The following SLCO1A2 variants were observed in gnomAD, a reference collection of about 807,000 sequenced individuals.
SLCO1A2 encodes OATP-1.
Under a neutral mutation model 69.0 loss-of-function variants are expected in SLCO1A2, and 67 were observed. The ratio of observed to expected loss-of-function variants is 0.97; its 90% confidence interval spans 0.80 to 1.19. SLCO1A2 has a LOEUF of 1.19. SLCO1A2 is among the 50% of genes most tolerant of loss of function. The probability of loss-of-function intolerance (pLI) is 0.00; values close to 1 mark genes in which losing one functional copy is unlikely to be tolerated. For missense variants in SLCO1A2, 787 were observed against 793.7 expected (o/e 0.99, Z 0.10); for synonymous variants, 260 against 265.9 (o/e 0.98, Z 0.22).
intron 12 of SLCO1A2, among the ~76,000 whole-genome samples, chr12:21,279,620 G>A (rs79983721): frequency 6.6e-6 from 1 of 152,162 alleles, no homozygotes; most frequent in African/African-American, 2.4e-5. Flanking sequence ...CAAACATAAA[G>A]AAGAAATAAA....
intron 1 of SLCO1A2, among the ~76,000 whole-genome samples, chr12:21,417,131 T>G (rs1942001457): frequency 6.6e-6 from 1 of 151,894 alleles, no homozygotes; most frequent in Non-Finnish European, 1.5e-5. Context: ...TCTAGAAGAT[T>G]TGGGAAGAAA....
intron 1 of SLCO1A2, chr12:21,379,383 T>G (rs181934880): frequency 6.6e-6 from 1 of 152,210 alleles, no homozygotes; most frequent in African/African-American, 2.4e-5. Flanking sequence ...TTTGTTTAAG[T>G]GGCTTTCAGC....
intron 2 of SLCO1A2, among the ~76,000 whole-genome samples, chr12:21,332,764 A>G (rs972112095): frequency 6.6e-6 from 1 of 152,098 alleles, no homozygotes; most frequent in African/African-American, 2.4e-5. Flanking sequence ...CACTGAACCC[A>G]TTCATAAAGG....
At chr12:21,312,674 A>G (rs148858861) in intron 4 of SLCO1A2, among the ~76,000 whole-genome samples, 39 of 152,220 alleles carry the variant, frequency 2.6e-4, no homozygotes, top group African/African-American at 7.2e-4. Flanking sequence ...CCTAATTTCA[A>G]TATTTTTGTA....
intron 1 of SLCO1A2, among the ~76,000 whole-genome samples, chr12:21,376,115 G>T (rs999507703): frequency 2.6e-5 from 4 of 152,088 alleles, no homozygotes; most frequent in Admixed American, 1.3e-4. Flanking sequence ...GGCCCATCTA[G>T]CTAACTCAAA....
intron 2 of SLCO1A2, among the ~76,000 whole-genome samples, chr12:21,320,716 C>T (rs1372370218): frequency 1.3e-5 from 2 of 152,092 alleles, no homozygotes; most frequent in South Asian, 2.1e-4. Context: ...CCAGGCTGGT[C>T]TCGAACTCCT....
intron 2 of SLCO1A2, chr12:21,373,518 T>TA: frequency 1.1e-6 from 1 of 888,768 alleles, no homozygotes. Flanking sequence ...ACTACAGCCT[T>TA]AGATTTCTGA....
At chr12:21,322,383 C>G (rs1241514132) in intron 2 of SLCO1A2, among the ~76,000 whole-genome samples, 1 of 152,116 alleles carries the variant, frequency 6.6e-6, no homozygotes, top group Non-Finnish European at 1.5e-5. Context: ...CAGGGCACAG[C>G]TTGCTTTTAT....
chr12:21,419,230 T>G (rs1942039921), upstream of SLCO1A2: 2 of 157,152 alleles, frequency 1.3e-5, no homozygotes, highest in Admixed American at 1.3e-4. Context: ...GATGGCCGAA[T>G]AGGAACAGCT....
At chr12:21,392,774 T>G (rs1052543481) in intron 1 of SLCO1A2, among the ~76,000 whole-genome samples, 1 of 152,200 alleles carries the variant, frequency 6.6e-6, no homozygotes, top group African/African-American at 2.4e-5. Flanking sequence ...ATATTTAGAA[T>G]GCATAAAATT....
chr12:21,346,940 A>C (rs895359466), intron 2 of SLCO1A2, among the ~76,000 whole-genome samples: 3 of 152,074 alleles, frequency 2.0e-5, no homozygotes, highest in Non-Finnish European at 4.4e-5. Context: ...TAGTAACATG[A>C]CTGAGTCTAT....
chr12:21,274,228 A>T, intron 14 of SLCO1A2: 1 of 390,874 alleles, frequency 2.6e-6, no homozygotes, highest in Non-Finnish European at 4.7e-6. Context: ...AACGAACAAC[A>T]CTTTGAAAGC....
chr12:21,336,328 T>C (rs1435398453), upstream of SLCO1A2, among the ~76,000 whole-genome samples: 1 of 152,006 alleles, frequency 6.6e-6, no homozygotes, highest in Non-Finnish European at 1.5e-5. Context: ...CTGGAGGTAG[T>C]GCCACAGAAA....
chr12:21,300,485 A>G lies in SLCO1A2; in HGVS notation c.773T>C (p.Leu258Pro). ...CAAAAAGAAAAAAGGAATGGCAGTG[A>G]GCACGTTAACTCCTGCACAAATCAG... ...GFLICAGVNV[L>P]TAIPFFFLPN... The change falls in exon 8 of 15, where the codon CTC becomes CCC. Residue 258 changes from leucine to proline, a missense_variant. Transcript: ENST00000683939. 6.2e-7 allele frequency: 1 copy of G among 1,613,590 alleles called. No individual in the cohort carries two copies. The highest frequency in any genetic ancestry group is 8.5e-7 in the Non-Finnish European group (1 of 1,179,766).
chr12:21,333,129 A>G (rs1952715893), intron 2 of SLCO1A2, among the ~76,000 whole-genome samples: 1 of 152,098 alleles, frequency 6.6e-6, no homozygotes, highest in South Asian at 2.1e-4. Context: ...AGTTTTATAA[A>G]TCAGATTTTA....
chr12:21,283,997 T>A (rs1440804228), intron 12 of SLCO1A2, among the ~76,000 whole-genome samples: 2 of 152,098 alleles, frequency 1.3e-5, no homozygotes, highest in Admixed American at 6.6e-5. Context: ...TGCAGAACAG[T>A]TTGGAGGTTC....
chr12:21,299,602 C>T (rs1331796556), intron 8 of SLCO1A2, among the ~76,000 whole-genome samples: 2 of 150,034 alleles, frequency 1.3e-5, no homozygotes, highest in Non-Finnish European at 3.0e-5. Context: ...GGAAGCTCTT[C>T]GTTAAACTAA....
Position 21,269,491 on chromosome 12 carries a change from A to G in SLCO1A2, c.*57T>C. The G allele has an allele frequency of 7.6e-7, 1 of 1,316,552 alleles. No homozygotes were observed. Among genetic ancestry groups the G allele is most frequent in the Non-Finnish European group, 1.1e-6 (1 of 943,218 alleles). The allele number at this position is 1,316,552 out of a possible 1,614,324, so 81.6% of individuals were successfully genotyped here. On this transcript the variant is annotated 3_prime_UTR_variant, in exon 15 of 15. Coordinates refer to ENST00000683939, the MANE Select transcript of SLCO1A2 (RefSeq NM_001386879.1). ...TATTATATCTCTACTGATTTTTAAA[A>G]CAATTAAGTTGTACAGCATGTTCTC...
At chr12:21,359,655 G>A (rs1938660916) in intron 2 of SLCO1A2, among the ~76,000 whole-genome samples, 1 of 151,894 alleles carries the variant, frequency 6.6e-6, no homozygotes, top group Non-Finnish European at 1.5e-5. Context: ...GCTGAGGCAG[G>A]AGAATGGCAT....
Sources: gnomAD v4.1 joint callset for allele counts (sites outside exome capture counted in the v4.1 genomes callset) on GRCh38, gnomAD v4.1.1 for gene constraint, MANE v1.5 for transcripts, NCBI Gene and HGNC (gene_info 2026-07-23, HGNC 2026-07-21) for gene names.